GALNT10: variants seen among roughly 807,000 people sequenced by gnomAD.
GALNT10 encodes the protein polypeptide N-acetylgalactosaminyltransferase 10.
Under a neutral mutation model 75.0 loss-of-function variants are expected in GALNT10, and 41 were observed. The observed-to-expected ratio is 0.55, with a 90% CI of 0.43 to 0.71. GALNT10 has a LOEUF of 0.71. Ranked by LOEUF, GALNT10 falls within the 30% of genes least tolerant of loss-of-function variation. The pLI is 0.00. For synonymous variants in GALNT10, 302 were observed against 313.0 expected (o/e 0.96, Z 0.37); for missense variants, 727 against 818.5 (o/e 0.89, Z 1.36).
intron 3 of GALNT10, among the ~76,000 whole-genome samples, chr5:154,316,900 T>C (rs575453530): frequency 1.3e-5 from 2 of 152,330 alleles, no homozygotes; most frequent in South Asian, 4.1e-4. Flanking sequence ...CCAGCCCTGA[T>C]TCTGAGAGAA....
intron 1 of GALNT10, among the ~76,000 whole-genome samples, chr5:154,221,893 A>C (rs1752985459): frequency 6.6e-6 from 1 of 152,142 alleles, no homozygotes; most frequent in Admixed American, 6.5e-5. Flanking sequence ...TTACTTTGCC[A>C]GTGGACTGCC....
intron 11 of GALNT10, 30 bp downstream of exon 11, chr5:154,415,962 C>T (rs770188696): frequency 2.5e-6 from 4 of 1,606,400 alleles, no homozygotes; most frequent in Middle Eastern, 1.9e-4. Context: ...GAGCAGGGCA[C>T]CTGCTTAATT....
At chr5:154,276,262 G>T (rs945253849) in intron 1 of GALNT10, among the ~76,000 whole-genome samples, 18 of 152,116 alleles carry the variant, frequency 1.2e-4, no homozygotes, top group African/African-American at 4.3e-4. Flanking sequence ...TCAGTTTTTT[G>T]CAGTTCAGGA....
At chr5:154,327,248 CTGACCACTGGAAAGGCATAGAAACTA>C (rs1295263837) in intron 3 of GALNT10, among the ~76,000 whole-genome samples, 1 of 151,928 alleles carries the variant, frequency 6.6e-6, no homozygotes, top group African/African-American at 2.4e-5. Context: ...ATTTGTAGTT[CTGACCACTGGAAAGGCATAGAAACTA>C]TAACCAACCT....
chr5:154,294,745 C>T (rs1489878024), intron 1 of GALNT10, 71 bp from the exon 2 acceptor site: 2 of 802,540 alleles, frequency 2.5e-6, no homozygotes, highest in East Asian at 4.9e-5. Flanking sequence ...CTCCCTTAGG[C>T]AGTGTAACTC....
intron 1 of GALNT10, among the ~76,000 whole-genome samples, chr5:154,241,072 C>T (rs981041121): frequency 8.5e-5 from 13 of 152,212 alleles, no homozygotes; most frequent in African/African-American, 2.4e-4. Flanking sequence ...TGGAGCCCCA[C>T]GGTGTTCTGC....
intron 1 of GALNT10, among the ~76,000 whole-genome samples, chr5:154,270,003 T>A (rs1357256243): frequency 6.9e-6 from 1 of 145,400 alleles, no homozygotes; most frequent in African/African-American, 2.6e-5. Context: ...GAGGTCTTAC[T>A]CTTTCTCTTA....
At chr5:154,221,879 T>TTG (rs1752984883) in intron 1 of GALNT10, among the ~76,000 whole-genome samples, 1 of 152,178 alleles carries the variant, frequency 6.6e-6, no homozygotes, top group South Asian at 2.1e-4. Context: ...ACTTGAGGCC[T>TTG]TGCTTACTTT....
chr5:154,304,616 C>T (rs886388255), intron 3 of GALNT10, among the ~76,000 whole-genome samples: 2 of 152,002 alleles, frequency 1.3e-5, no homozygotes, highest in African/African-American at 4.8e-5. Flanking sequence ...TCTTTATTTA[C>T]AAAATATGAA....
intron 10 of GALNT10, 30 bp downstream of exon 10, chr5:154,413,035 C>G: frequency 1.4e-6 from 2 of 1,409,610 alleles, no homozygotes. Flanking sequence ...GACTGGCAGC[C>G]AGGTTCTCTG....
intron 1 of GALNT10, among the ~76,000 whole-genome samples, chr5:154,234,084 C>T (rs989173282): frequency 3.9e-5 from 6 of 152,236 alleles, no homozygotes; most frequent in African/African-American, 1.4e-4. Context: ...TCTCTCTTCT[C>T]TCTAACTTCC....
chr5:154,311,516 C>T (rs1029222734), intron 3 of GALNT10, among the ~76,000 whole-genome samples: 3 of 152,120 alleles, frequency 2.0e-5, no homozygotes, highest in African/African-American at 7.2e-5. Flanking sequence ...AAAGAAGGCT[C>T]GACCTAGATC....
At chr5:154,374,746 T>C (rs993157709) in intron 4 of GALNT10, among the ~76,000 whole-genome samples, 5 of 150,098 alleles carry the variant, frequency 3.3e-5, no homozygotes, top group African/African-American at 1.2e-4. Context: ...TCTTTTCAAT[T>C]CTTTTTCATT....
At chr5:154,357,161 A>C (rs1213823279) in intron 4 of GALNT10, among the ~76,000 whole-genome samples, 1 of 152,178 alleles carries the variant, frequency 6.6e-6, no homozygotes, top group African/African-American at 2.4e-5. Context: ...CAAGTGAGCA[A>C]ATTTTGGTAG....
chr5:154,373,640 A>T (rs1448586191), intron 4 of GALNT10, among the ~76,000 whole-genome samples: 2 of 152,104 alleles, frequency 1.3e-5, no homozygotes, highest in Non-Finnish European at 2.9e-5. Context: ...AATCATCATC[A>T]TCTTCATTTA....
intron 4 of GALNT10, among the ~76,000 whole-genome samples, chr5:154,374,073 A>G (rs1196999866): frequency 1.3e-5 from 2 of 152,102 alleles, no homozygotes; most frequent in African/African-American, 2.4e-5. Flanking sequence ...TTTTTCGAAC[A>G]TAGTGTTCCT....
chr5:154,236,928 G>T (rs1242126919), intron 1 of GALNT10, among the ~76,000 whole-genome samples: 1 of 152,194 alleles, frequency 6.6e-6, no homozygotes, highest in Non-Finnish European at 1.5e-5. Context: ...GCCTCAGCCT[G>T]CCAGGCCTGG....
chr5:154,206,304 C>G (rs1434229138), intron 1 of GALNT10, among the ~76,000 whole-genome samples: 3 of 152,208 alleles, frequency 2.0e-5, no homozygotes, highest in African/African-American at 7.2e-5. Flanking sequence ...ATGGTACATA[C>G]TGCCTTTCAC....
intron 4 of GALNT10, among the ~76,000 whole-genome samples, chr5:154,345,688 G>A (rs1373172585): frequency 1.4e-5 from 2 of 141,644 alleles, no homozygotes; most frequent in Admixed American, 7.3e-5. Context: ...AGGCTGGAGT[G>A]CAGTGCCCCA....
Sources: gnomAD v4.1 joint callset for allele counts (sites outside exome capture counted in the v4.1 genomes callset) on GRCh38, gnomAD v4.1.1 for gene constraint, MANE v1.5 for transcripts, NCBI Gene and HGNC (gene_info 2026-07-23, HGNC 2026-07-21) for gene names.